FBLN2: variants seen among roughly 807,000 people sequenced by gnomAD.
FBLN2 encodes fibulin 2, also known as fibulin-2.
In FBLN2, 81 loss-of-function variants were observed where a neutral mutation model predicts 123.7. That is an observed-to-expected ratio of 0.65 (90% CI 0.55 to 0.79). The LOEUF is 0.79. FBLN2 is among the 30% of genes least tolerant of loss of function. The pLI is 0.00. For missense variants in FBLN2, 1,603 were observed against 1,681.3 expected, an observed-to-expected ratio of 0.95 and a Z score of 0.81; for synonymous variants, 699 against 701.4, an observed-to-expected ratio of 1.00 and a Z score of 0.05.
rs1411935571 is a variant in FBLN2 at position 13,571,312 on chromosome 3, C to A, written c.957C>A (p.Ile319=). Residue 319 remains isoleucine (I), a synonymous_variant, in exon 2 of 18, where the codon ATC becomes ATA. Coordinates refer to ENST00000404922, the MANE Select transcript of FBLN2 (RefSeq NM_001004019.2). ...TTAPAGPSLP[I]QEERAEAGAR... ...CCCCAGCTGGACCCAGTCTTCCTATCCAGGAGGAGAGGGCAGAAGCTGGGG... is the reference window on the plus strand; with the variant it reads ...CCCCAGCTGGACCCAGTCTTCCTATACAGGAGGAGAGGGCAGAAGCTGGGG... 1.3e-6 allele frequency: 2 copies of A among 1,597,038 alleles called. No individual in the cohort carries two copies. Among genetic ancestry groups the A allele is most frequent in the East Asian group, 4.5e-5 (2 of 44,124 alleles).
chr3:13,617,238 C>G (rs1335141754), intron 5 of FBLN2, among the ~76,000 whole-genome samples: 1 of 151,876 alleles, frequency 6.6e-6, no homozygotes, highest in East Asian at 1.9e-4. Flanking sequence ...GTCTGTTCAT[C>G]TGTCTGTCCA....
At chr3:13,560,512 C>T (rs1703574511) in intron 1 of FBLN2, among the ~76,000 whole-genome samples, 1 of 152,202 alleles carries the variant, frequency 6.6e-6, no homozygotes, top group African/African-American at 2.4e-5. Flanking sequence ...ATCAGCCTCA[C>T]CTGTTCAACA....
At chr3:13,584,720 G>A (rs1327350113) in intron 2 of FBLN2, among the ~76,000 whole-genome samples, 4 of 152,246 alleles carry the variant, frequency 2.6e-5, no homozygotes, top group Admixed American at 2.6e-4. Context: ...GTGGGCAGTA[G>A]GCTTTGGGGA....
chr3:13,570,807 C>T lies in FBLN2; in HGVS notation c.452C>T (p.Thr151Ile). The change falls in exon 2 of 18, where the codon ACT becomes ATT. Residue 151 changes from threonine to isoleucine, a missense_variant. Thr to Ile is a moderately conservative substitution (Grantham distance 89). Transcript: ENST00000404922. Reference protein sequence around the residue: ...HAGHKYAAGHTVHLPPCRACH... With the variant: ...HAGHKYAAGHIVHLPPCRACH... ...GGCCACAAGTACGCCGCTGGCCACA[C>T]TGTTCACCTGCCGCCCTGCCGGGCC... The T allele has an allele frequency of 3.1e-6, 5 of 1,596,186 alleles. No individual in the cohort carries two copies. Among genetic ancestry groups the T allele is most frequent in the Non-Finnish European group, 4.3e-6 (5 of 1,172,604 alleles).
intron 2 of FBLN2, among the ~76,000 whole-genome samples, chr3:13,578,590 A>G (rs1704221214): frequency 2.0e-5 from 3 of 152,196 alleles, no homozygotes; most frequent in South Asian, 4.1e-4. Flanking sequence ...AAATCTGTTC[A>G]TCTGTTGATG....
intron 9 of FBLN2, among the ~76,000 whole-genome samples, chr3:13,625,486 T>A (rs1706005395): frequency 6.6e-6 from 1 of 152,134 alleles, no homozygotes; most frequent in East Asian, 1.9e-4. Context: ...CTCCAAGGCA[T>A]GTCCTCAGCT....
At chr3:13,571,813 G>A (rs1476555762) in intron 2 of FBLN2, among the ~76,000 whole-genome samples, 152 bp downstream of exon 2, 1 of 151,804 alleles carries the variant, frequency 6.6e-6, no homozygotes, top group Non-Finnish European at 1.5e-5. Context: ...GTTTGGGCAG[G>A]AGGCTGTGAG....
intron 5 of FBLN2, 89 bp downstream of exon 5, chr3:13,614,253 C>T: frequency 7.6e-7 from 1 of 1,322,276 alleles, no homozygotes. Context: ...CCATCATCAC[C>T]TGTGGCTTGA....
intron 1 of FBLN2, among the ~76,000 whole-genome samples, chr3:13,553,431 G>A (rs1308341557): frequency 6.6e-5 from 10 of 152,180 alleles, no homozygotes; most frequent in African/African-American, 2.2e-4. Context: ...GAAGAGCTGG[G>A]ACGGGAGCCA....
chr3:13,630,650 C>A, intron 14 of FBLN2, 49 bp from the exon 15 acceptor site: 1 of 1,480,580 alleles, frequency 6.8e-7, no homozygotes, highest in Non-Finnish European at 9.2e-7. Context: ...GATGGGCTCT[C>A]CAAGGCAGAC....
rs766901448 is a variant in FBLN2, at chr3:13,608,119, A to T, written c.1364A>T (p.Asp455Val). Residue 455 changes from aspartate to valine, a missense_variant, in exon 3 of 18, where the codon GAC becomes GTC. By Grantham distance (152) the Asp-to-Val change is radical. Coordinates refer to ENST00000404922, the MANE Select transcript of FBLN2 (RefSeq NM_001004019.2). ...GCAGCCGGACAGCAGTGGGCCATTGACAATGACGAGTGCCTGGAGATCCCT... is the reference window on the plus strand; with the variant it reads ...GCAGCCGGACAGCAGTGGGCCATTGTCAATGACGAGTGCCTGGAGATCCCT... ...CCAAGQQWAIDNDECLEIPES... is the reference protein window; with the variant it reads ...CCAAGQQWAIVNDECLEIPES... The T allele has an allele frequency of 2.5e-6, 4 of 1,598,926 alleles. No homozygotes were observed. The Admixed American group carries it at 5.2e-5, about 21-fold the overall frequency.
rs543646252 is a variant in FBLN2 at position 13,551,573 on chromosome 3, GC to G, written c.-42+2369del. ...TTTTCCCTCCAAAGCAAAGCTCTTT[GC>G]CCCTCTTACTGAGCCACTAGTGGGA... On this transcript the variant is annotated intron_variant, in intron 1 of 17. Transcript: ENST00000404922. 7.2e-5 allele frequency among the ~76,000 whole-genome samples: 11 copies of G among 152,310 alleles called. No individual in the cohort carries two copies. The East Asian group carries it at 1.9e-3, about 27-fold the overall frequency.
intron 16 of FBLN2, among the ~76,000 whole-genome samples, chr3:13,632,612 G>A (rs1230334680): frequency 2.6e-5 from 4 of 152,194 alleles, no homozygotes. Flanking sequence ...GAGTGGCGTG[G>A]CATGGGGCAG....
intron 6 of FBLN2, 65 bp from the exon 7 acceptor site, chr3:13,618,839 T>G (rs1705729607): frequency 1.7e-6 from 2 of 1,187,960 alleles, no homozygotes. Context: ...TGCCTGGAAG[T>G]GCCTGAGGCC....
At chr3:13,636,089 T>C (rs1216801200) in intron 16 of FBLN2, among the ~76,000 whole-genome samples, 2 of 152,202 alleles carry the variant, frequency 1.3e-5, no homozygotes, top group African/African-American at 2.4e-5. Context: ...GGTCAGGCTA[T>C]TGGGGCAGCC....
intron 10 of FBLN2, among the ~76,000 whole-genome samples, chr3:13,627,097 C>G (rs917837200): frequency 6.6e-6 from 1 of 151,930 alleles, no homozygotes; most frequent in Non-Finnish European, 1.5e-5. Flanking sequence ...GGGGTCCACA[C>G]AGGCAAACAG....
intron 1 of FBLN2, among the ~76,000 whole-genome samples, chr3:13,556,633 T>C (rs1333567921): frequency 6.6e-6 from 1 of 152,186 alleles, no homozygotes; most frequent in African/African-American, 2.4e-5. Context: ...AGGCAGGGTG[T>C]GGTGGGGAGG....
intron 2 of FBLN2, among the ~76,000 whole-genome samples, chr3:13,573,055 T>A (rs1031563214): frequency 6.6e-6 from 1 of 152,156 alleles, no homozygotes; most frequent in Non-Finnish European, 1.5e-5. Context: ...CTAGGGAATC[T>A]GGGGGCCTCA....
At chr3:13,551,029 C>T (rs757890075) in intron 1 of FBLN2, among the ~76,000 whole-genome samples, 39 of 152,228 alleles carry the variant, frequency 2.6e-4, no homozygotes, top group Admixed American at 2.0e-3. Flanking sequence ...GTGCTGCCCA[C>T]CCCCAACCCA....
Sources: gnomAD v4.1 joint callset for allele counts (sites outside exome capture counted in the v4.1 genomes callset) on GRCh38, gnomAD v4.1.1 for gene constraint, MANE v1.5 for transcripts, NCBI Gene and HGNC (gene_info 2026-07-23, HGNC 2026-07-21) for gene names.